Variants in ELOVL5 observed in about 807,000 individuals in gnomAD.
ELOVL5 encodes very long chain fatty acid elongase 5.
A neutral mutation model predicts 38.6 loss-of-function variants in ELOVL5; 8 were observed. The observed-to-expected ratio is 0.21, with a 90% confidence interval of 0.12 to 0.37. The LOEUF (loss-of-function observed/expected upper bound fraction) is 0.37, where lower values mean the gene tolerates loss of function less well. ELOVL5 is among the 10% of genes least tolerant of loss of function. The pLI, the probability that ELOVL5 is intolerant of heterozygous loss-of-function variation, is 1.00. For synonymous variants in ELOVL5, 127 were observed against 133.7 expected (o/e 0.95, Z 0.34); for missense variants, 280 against 367.8 (o/e 0.76, Z 1.95).
intron 1 of ELOVL5, among the ~76,000 whole-genome samples, chr6:53,329,695 G>A (rs145337418): frequency 0.043 from 6,534 of 152,134 alleles, 433 homozygotes; most frequent in African/African-American, 0.15. Flanking sequence ...ATGGTAGTAG[G>A]CACCTGTAAT....
At chr6:53,347,483 A>C (rs1769603441) in intron 1 of ELOVL5, among the ~76,000 whole-genome samples, 1 of 152,200 alleles carries the variant, frequency 6.6e-6, no homozygotes. Context: ...TTTGGCTGAG[A>C]CGTGCAAGCA....
chr6:53,282,844 G>C (rs979391095), intron 3 of ELOVL5, among the ~76,000 whole-genome samples: 1 of 151,948 alleles, frequency 6.6e-6, no homozygotes, highest in African/African-American at 2.4e-5. Flanking sequence ...CCACAATAAC[G>C]TATCTATTTT....
In ELOVL5 at chr6:53,334,406, CTTAAT is replaced by C. The variant is rs995958450; in HGVS notation, c.-9+14406_-9+14410del. On this transcript the variant is annotated intron_variant, in intron 1 of 7. Coordinates refer to ENST00000304434, the MANE Select transcript of ELOVL5 (RefSeq NM_021814.5). ...GAGGGCCATATAACTTTTATCTTTACTTAATTTATTTTAATTTACTAATTTTTAAG... is the reference window on the plus strand; with the variant it reads ...GAGGGCCATATAACTTTTATCTTTACTTATTTTAATTTACTAATTTTTAAG... Among the ~76,000 whole-genome samples the C allele has an allele frequency of 4.6e-5, 7 of 152,192 alleles. No homozygotes were observed. In the East Asian group the frequency reaches 1.2e-3, roughly 25 times the overall value.
chr6:53,274,425 A>G (rs547800864), intron 5 of ELOVL5, among the ~76,000 whole-genome samples: 9 of 152,192 alleles, frequency 5.9e-5, no homozygotes, highest in Non-Finnish European at 1.3e-4. Context: ...ATATCCATAA[A>G]TAGACCCATA....
intron 1 of ELOVL5, among the ~76,000 whole-genome samples, chr6:53,345,987 G>A (rs934756396): frequency 6.6e-5 from 10 of 152,082 alleles, no homozygotes; most frequent in African/African-American, 2.4e-4. Flanking sequence ...CTGGTTTCCT[G>A]CACCTATCAA....
intron 1 of ELOVL5, among the ~76,000 whole-genome samples, chr6:53,320,169 T>C (rs754168390): frequency 1.3e-5 from 2 of 151,600 alleles, no homozygotes; most frequent in Non-Finnish European, 2.9e-5. Context: ...AAAAAAAAAT[T>C]AGCTGGGTGT....
At chr6:53,281,820 G>T (rs1766373883) in intron 3 of ELOVL5, among the ~76,000 whole-genome samples, 2 of 99,894 alleles carry the variant, frequency 2.0e-5, no homozygotes, top group Non-Finnish European at 3.8e-5. Flanking sequence ...ACCTCCACAG[G>T]TGTTTTTTTT....
Position 53,275,262 on chromosome 6 carries a change from C to CT in ELOVL5, c.325-2dup. On this transcript the variant is annotated splice_acceptor_variant, in intron 4 of 7. Coordinates refer to ENST00000304434, the MANE Select transcript of ELOVL5 (RefSeq NM_021814.5). LOFTEE classifies it high-confidence loss of function. The stretch of plus-strand genomic sequence containing the variant: ...AGTACCACCAGAGGACACGGATAAT[C>CT]TAAGAGGAAAGGGTCAAAGATTTAA... The CT allele has an allele frequency of 7.4e-6, 12 of 1,613,966 alleles. No homozygotes were observed. Among genetic ancestry groups the CT allele is most frequent in the Non-Finnish European group, 1.0e-5 (12 of 1,179,862 alleles).
rs375191512 is a variant in ELOVL5 at position 53,293,480 on chromosome 6, G to A, written c.59-1517C>T. On this transcript the variant is annotated intron_variant, in intron 2 of 7. Transcript: ENST00000304434. ...CTATAGACACACACCACCACACCCCGCTAATTTTTGTAATTTTAGTAGAGA... is the reference window on the plus strand; with the variant it reads ...CTATAGACACACACCACCACACCCCACTAATTTTTGTAATTTTAGTAGAGA... Among the ~76,000 whole-genome samples the A allele has an allele frequency of 9.2e-4, 140 of 151,998 alleles. 2 individuals carry two copies. The South Asian group carries it at 0.026, about 29-fold the overall frequency.
At chr6:53,334,732 A>C (rs1270761367) in intron 1 of ELOVL5, among the ~76,000 whole-genome samples, 4 of 152,084 alleles carry the variant, frequency 2.6e-5, no homozygotes, top group Admixed American at 6.5e-5. Context: ...CAACAAACCA[A>C]AAACTGAATC....
chr6:53,307,805 C>A (rs572274952), intron 1 of ELOVL5, among the ~76,000 whole-genome samples: 1 of 152,250 alleles, frequency 6.6e-6, no homozygotes, highest in South Asian at 2.1e-4. Context: ...AATAAATCTG[C>A]ATCTGATAAG....
intron 1 of ELOVL5, among the ~76,000 whole-genome samples, chr6:53,311,564 A>G (rs186391760): frequency 5.1e-4 from 78 of 152,372 alleles, no homozygotes; most frequent in Middle Eastern, 3.4e-3. Context: ...ATAACAGTCA[A>G]AAAGTAAAAA....
intron 3 of ELOVL5, among the ~76,000 whole-genome samples, chr6:53,278,023 G>A (rs1374770266): frequency 2.0e-5 from 3 of 152,192 alleles, no homozygotes; most frequent in South Asian, 2.1e-4. Flanking sequence ...AGATAAATTC[G>A]TGCAATGTAA....
chr6:53,348,922 G>A lies in ELOVL5; in HGVS notation c.-114C>T, dbSNP rs889074457. On this transcript the variant is annotated 5_prime_UTR_variant, in exon 1 of 8. Transcript: ENST00000304434. ...AGAGGCGGATGTAGAAGGAGACACC[G>A]GTGGCTAGGACCCGCGCGATGGGAA... The A allele has an allele frequency of 1.6e-5, 7 of 446,894 alleles. No homozygotes were observed. Among genetic ancestry groups the A allele is most frequent in the East Asian group, 1.5e-4 (2 of 13,116 alleles). 27.7% of individuals were successfully genotyped at this position (446,894 alleles called of 1,614,324 possible).
At chr6:53,315,327 C>A (rs1190376167) in intron 1 of ELOVL5, among the ~76,000 whole-genome samples, 5 of 152,184 alleles carry the variant, frequency 3.3e-5, no homozygotes, top group African/African-American at 4.8e-5. Context: ...AAAGGCCCCA[C>A]CCTTCTAATA....
At chr6:53,311,037 A>G (rs1425741089) in intron 1 of ELOVL5, among the ~76,000 whole-genome samples, 1 of 152,218 alleles carries the variant, frequency 6.6e-6, no homozygotes. Flanking sequence ...GTACCTCAAC[A>G]GACTCTCCAG....
chr6:53,271,880 C>T (rs1436173407), intron 6 of ELOVL5, among the ~76,000 whole-genome samples: 4 of 152,186 alleles, frequency 2.6e-5, no homozygotes, highest in Non-Finnish European at 4.4e-5. Context: ...CAGAGCCTAA[C>T]GGGAGACCAA....
intron 1 of ELOVL5, among the ~76,000 whole-genome samples, chr6:53,313,740 CA>C (rs35172148): frequency 6.6e-6 from 1 of 151,930 alleles, no homozygotes; most frequent in Admixed American, 6.5e-5. Flanking sequence ...ATTATAAAAA[CA>C]AAAAAACTGT....
intron 3 of ELOVL5, among the ~76,000 whole-genome samples, chr6:53,284,784 A>G (rs1581931286): frequency 7.7e-6 from 1 of 129,536 alleles, no homozygotes; most frequent in African/African-American, 3.5e-5. Flanking sequence ...TATTTCTCAA[A>G]ATATTTCAAA....
Sources: allele counts gnomAD v4.1 joint callset (sites outside exome capture counted in the v4.1 genomes callset), GRCh38; gene constraint gnomAD v4.1.1; transcripts MANE v1.5; gene names NCBI Gene and HGNC (gene_info 2026-07-23, HGNC 2026-07-21).